Variants in LRP2BP observed in about 807,000 individuals in gnomAD.
LRP2BP encodes the protein LRP2-binding protein.
In LRP2BP, 38 loss-of-function variants were observed where a neutral mutation model predicts 45.2. That is an observed-to-expected ratio of 0.84 (90% CI 0.65 to 1.10). The LOEUF is 1.10. Ranked by LOEUF, LRP2BP falls within the 50% of genes least tolerant of loss-of-function variation. The pLI is 0.00. For missense variants in LRP2BP, 385 were observed against 418.9 expected (o/e 0.92, Z 0.71); for synonymous variants, 153 against 153.9 (o/e 0.99, Z 0.04).
In LRP2BP at chr4:185,374,218, T is replaced by C. The variant is rs868704906; in HGVS notation, c.496A>G (p.Asn166Asp). 1 of 1,614,192 alleles carries C rather than the reference T, an allele frequency of 6.2e-7. No homozygotes were observed. Among genetic ancestry groups the C allele is most frequent in the Non-Finnish European group, 8.5e-7 (1 of 1,180,026 alleles). ...AERLWLIAAD[N>D]GNPKASVKAQ... ...TTCACACTAGCTTTGGGATTTCCAT[T>C]GTCTGCTGCGATAAGCCACAGTCTA... Residue 166 changes from asparagine to aspartate, a missense_variant, in exon 6 of 9, where the codon AAT becomes GAT. By Grantham distance (23) the Asn-to-Asp change is conservative. Coordinates refer to ENST00000505916, the MANE Select transcript of LRP2BP (RefSeq NM_001377440.1).
At chr4:185,389,047 T>G (rs1037268999) in intron 1 of LRP2BP, among the ~76,000 whole-genome samples, 1 of 151,458 alleles carries the variant, frequency 6.6e-6, no homozygotes, top group Non-Finnish European at 1.5e-5. Context: ...ACCCAGCTAA[T>G]TTTTGTATTT....
At chr4:185,372,724 A>G in intron 7 of LRP2BP, 132 bp downstream of exon 7, 1 of 670,440 alleles carries the variant, frequency 1.5e-6, no homozygotes, top group Non-Finnish European at 2.5e-6. Flanking sequence ...TGAGGACATG[A>G]TGGTCCTCCC....
intron 1 of LRP2BP, among the ~76,000 whole-genome samples, chr4:185,389,370 G>A (rs1050522538): frequency 8.7e-5 from 13 of 150,014 alleles, no homozygotes; most frequent in Admixed American, 2.7e-4. Context: ...CACCACACCC[G>A]GCTAATTTTT....
upstream of LRP2BP, chr4:185,396,784 A>C: frequency 1.1e-6 from 1 of 911,984 alleles, no homozygotes. Context: ...CGCGGCTGCC[A>C]AGGGCCGGCC....
chr4:185,393,764 G>A (rs1420855934), intron 1 of LRP2BP, among the ~76,000 whole-genome samples: 2 of 152,016 alleles, frequency 1.3e-5, no homozygotes, highest in Non-Finnish European at 2.9e-5. Context: ...GACCTCAGGC[G>A]ATCGGCCTGC....
At chr4:185,388,403 G>T (rs1580010630) in intron 1 of LRP2BP, among the ~76,000 whole-genome samples, 1 of 75,334 alleles carries the variant, frequency 1.3e-5, no homozygotes. Flanking sequence ...CAAGATCTTG[G>T]GCTCCCAGAT....
intron 5 of LRP2BP, 36 bp from the exon 6 acceptor site, chr4:185,374,276 C>T: frequency 1.2e-6 from 2 of 1,614,090 alleles, no homozygotes; most frequent in Non-Finnish European, 1.7e-6. Context: ...TTCTCGGTTT[C>T]AGCATTTCCT....
chr4:185,396,794 C>A, upstream of LRP2BP: 1 of 1,021,920 alleles, frequency 9.8e-7, no homozygotes, highest in Non-Finnish European at 1.5e-6. Context: ...AAGGGCCGGC[C>A]CGGAAGTCCC....
chr4:185,374,253 G>C lies in LRP2BP; in HGVS notation c.474-13C>G, dbSNP rs367865713. Reference sequence around the variant, plus strand: ...GATAAGCCACAGTCTACAAGAGAAAGTGAGGCATGTTATTCTCGGTTTCAG... The same window carrying C: ...GATAAGCCACAGTCTACAAGAGAAACTGAGGCATGTTATTCTCGGTTTCAG... On this transcript the variant is annotated splice_polypyrimidine_tract_variant and intron_variant, in intron 5 of 8. Coordinates refer to ENST00000505916, the MANE Select transcript of LRP2BP (RefSeq NM_001377440.1). 6.2e-7 allele frequency: 1 copy of C among 1,614,146 alleles called. No homozygotes were observed. Among genetic ancestry groups the C allele is most frequent in the Non-Finnish European group, 8.5e-7 (1 of 1,179,996 alleles).
At chr4:185,377,787 A>G in intron 2 of LRP2BP, 1 of 257,668 alleles carries the variant, frequency 3.9e-6, no homozygotes, top group Non-Finnish European at 7.3e-6. Context: ...TTGCAAGTCA[A>G]GCCTGGCATT....
intron 1 of LRP2BP, chr4:185,378,408 T>A: frequency 7.4e-7 from 1 of 1,358,826 alleles, no homozygotes; most frequent in South Asian, 1.8e-5. Context: ...AGACAGCCAT[T>A]CTCCATGTCA....
At chr4:185,379,414 C>T (rs1446547027) in intron 1 of LRP2BP, among the ~76,000 whole-genome samples, 1 of 152,046 alleles carries the variant, frequency 6.6e-6, no homozygotes, top group Non-Finnish European at 1.5e-5. Context: ...TGCTACTTAT[C>T]CAAAAAGGCT....
At chr4:185,369,943 T>G (rs141013566) in intron 8 of LRP2BP, 4 of 289,170 alleles carry the variant, frequency 1.4e-5, no homozygotes, top group Non-Finnish European at 2.7e-5. Context: ...ACAATCTGTG[T>G]TCCACAAACA....
At chr4:185,394,178 A>C (rs1286417444) in intron 1 of LRP2BP, among the ~76,000 whole-genome samples, 1 of 150,780 alleles carries the variant, frequency 6.6e-6, no homozygotes, top group Admixed American at 6.6e-5. Flanking sequence ...GAATCACTTG[A>C]ACCCGGGAAG....
intron 4 of LRP2BP, among the ~76,000 whole-genome samples, chr4:185,375,086 GAAAAT>G (rs2095428803): frequency 2.0e-5 from 3 of 151,878 alleles, no homozygotes; most frequent in Non-Finnish European, 4.4e-5. Context: ...CCCAAAAGAA[GAAAAT>G]AATATTGGAC....
In LRP2BP at chr4:185,395,910, G is replaced by A. The variant is rs2095501001; in HGVS notation, c.-1153C>T. ...TCTAAGCAGATCCTTCTGGAAAGAC[G>A]CTTAGGGAGAGTCTAGGGAGCAGCT... On this transcript the variant is annotated 5_prime_UTR_variant, in exon 1 of 9. Coordinates refer to ENST00000505916, the MANE Select transcript of LRP2BP (RefSeq NM_001377440.1). 2 of 985,408 alleles carry A rather than the reference G, an allele frequency of 2.0e-6. No individual in the cohort carries two copies. The highest frequency in any genetic ancestry group is 2.4e-6 in the Non-Finnish European group (2 of 829,880). The allele number at this position is 985,408 out of a possible 1,614,324, so 61.0% of individuals were successfully genotyped here.
rs199651134 is a variant in LRP2BP at position 185,374,363 on chromosome 4, A to G, written c.429T>C (p.Tyr143=). 1.3e-4 allele frequency: 215 copies of G among 1,614,100 alleles called. No homozygotes were observed. The highest frequency in any genetic ancestry group is 8.2e-4 in the Middle Eastern group (5 of 6,062). ...FAAAYNLGRA[Y]YEGKGVKRSN... is the part of the protein sequence containing the mutation. ...ATCGTTTAACACCTTTTCCTTCATAATAAGCTCTTCCGAGGTTGTAAGCAG... is the reference window on the plus strand; with the variant it reads ...ATCGTTTAACACCTTTTCCTTCATAGTAAGCTCTTCCGAGGTTGTAAGCAG... Residue 143 remains tyrosine, a synonymous_variant, in exon 5 of 9, where the codon TAT becomes TAC. Transcript: ENST00000505916.
chr4:185,381,200 A>T (rs1018737864), intron 1 of LRP2BP, among the ~76,000 whole-genome samples: 1 of 152,120 alleles, frequency 6.6e-6, no homozygotes, highest in African/African-American at 2.4e-5. Flanking sequence ...ACAGTGTGTA[A>T]TATTTTGTGT....
At chr4:185,377,914 A>G in intron 2 of LRP2BP, 167 bp downstream of exon 2, 1 of 594,332 alleles carries the variant, frequency 1.7e-6, no homozygotes, top group South Asian at 2.4e-5. Context: ...TTGCTACCAG[A>G]TAAATGAGCA....
Sources: gnomAD v4.1 joint callset for allele counts (sites outside exome capture counted in the v4.1 genomes callset) on GRCh38, gnomAD v4.1.1 for gene constraint, MANE v1.5 for transcripts, NCBI Gene and HGNC (gene_info 2026-07-23, HGNC 2026-07-21) for gene names.